The following CACNA2D3 variants were observed in gnomAD, a reference collection of about 807,000 sequenced individuals.
CACNA2D3 encodes the protein voltage-dependent calcium channel subunit alpha-2/delta-3.
In CACNA2D3, 60 loss-of-function variants were observed where a neutral mutation model predicts 160.6. The observed-to-expected ratio is 0.37, with a 90% CI of 0.30 to 0.46. The LOEUF (loss-of-function observed/expected upper bound fraction) is 0.46. Ranked by LOEUF, CACNA2D3 falls within the 20% of genes least tolerant of loss-of-function variation. CACNA2D3 has a pLI of 1.00. For synonymous variants in CACNA2D3, 558 were observed against 492.9 expected (o/e 1.13, Z -1.75); for missense variants, 1,205 against 1,365.0 (o/e 0.88, Z 1.85).
intron 13 of CACNA2D3, among the ~76,000 whole-genome samples, chr3:54,776,490 G>A (rs1342313690): frequency 2.0e-5 from 3 of 152,046 alleles, no homozygotes; most frequent in South Asian, 2.1e-4. Flanking sequence ...ACTCTAGCCT[G>A]GGCAACAGAG....
In CACNA2D3 at chr3:54,330,406, G is replaced by T. The variant is rs186480720; in HGVS notation, c.321+9848G>T. Reference sequence around the variant, plus strand: ...CAAAGCCCGTGATGGATGTCAGAAAGCAGACTCCTCATCCAGGGTCACGGT... The same window carrying T: ...CAAAGCCCGTGATGGATGTCAGAAATCAGACTCCTCATCCAGGGTCACGGT... On this transcript the variant is annotated intron_variant, in intron 3 of 37. Coordinates refer to ENST00000474759, the MANE Select transcript of CACNA2D3 (RefSeq NM_018398.3). Among the ~76,000 whole-genome samples, 214 of 152,204 alleles carry T rather than the reference G, an allele frequency of 1.4e-3. 1 individual carries two copies. The highest frequency in any genetic ancestry group is 2.9e-3 in the Admixed American group (44 of 15,288).
At chr3:54,662,900 A>C (rs970250463) in intron 11 of CACNA2D3, among the ~76,000 whole-genome samples, 1 of 152,240 alleles carries the variant, frequency 6.6e-6, no homozygotes, top group Non-Finnish European at 1.5e-5. Context: ...ATGTGATCTC[A>C]AACAAGCCAC....
At chr3:54,154,481 CAT>C (rs950749187) in intron 2 of CACNA2D3, among the ~76,000 whole-genome samples, 1 of 152,172 alleles carries the variant, frequency 6.6e-6, no homozygotes, top group Non-Finnish European at 1.5e-5. Context: ...TTTACTAGCA[CAT>C]ATGTTAAAAC....
At chr3:54,492,059 TTAC>T (rs528108291) in intron 4 of CACNA2D3, among the ~76,000 whole-genome samples, 6 of 152,238 alleles carry the variant, frequency 3.9e-5, no homozygotes, top group South Asian at 2.1e-4. Flanking sequence ...CTCTACATGG[TTAC>T]AGGAGCCTAG....
intron 4 of CACNA2D3, among the ~76,000 whole-genome samples, chr3:54,403,342 C>T (rs189762955): frequency 2.6e-4 from 38 of 145,130 alleles, no homozygotes; most frequent in Middle Eastern, 3.5e-3. Flanking sequence ...GTGACAGAGC[C>T]GGACCCTATC....
chr3:54,455,047 A>G (rs1700373595), intron 4 of CACNA2D3, among the ~76,000 whole-genome samples: 1 of 152,184 alleles, frequency 6.6e-6, no homozygotes, highest in African/African-American at 2.4e-5. Flanking sequence ...TAGTGCTGTG[A>G]TAAACATGGG....
intron 35 of CACNA2D3, among the ~76,000 whole-genome samples, chr3:55,054,787 T>C (rs997933399): frequency 1.3e-5 from 2 of 151,950 alleles, no homozygotes; most frequent in African/African-American, 2.4e-5. Context: ...GGATGGTACA[T>C]TGTAGATGTC....
intron 13 of CACNA2D3, among the ~76,000 whole-genome samples, chr3:54,800,189 C>T (rs1208691041): frequency 2.7e-5 from 4 of 150,036 alleles, no homozygotes; most frequent in African/African-American, 7.4e-5. Context: ...AAAAGAGCTT[C>T]CTTCCATATC....
intron 2 of CACNA2D3, among the ~76,000 whole-genome samples, chr3:54,249,697 A>C (rs931901012): frequency 2.4e-4 from 34 of 144,554 alleles, no homozygotes; most frequent in Non-Finnish European, 3.6e-4. Context: ...ACACACACAC[A>C]CCCCTCATCC....
intron 4 of CACNA2D3, among the ~76,000 whole-genome samples, chr3:54,412,049 T>C (rs1209615285): frequency 6.6e-6 from 1 of 152,214 alleles, no homozygotes; most frequent in Admixed American, 6.5e-5. Context: ...GCTAACATCA[T>C]AAATTAGTTT....
At chr3:55,061,253 C>T (rs75774167) in intron 35 of CACNA2D3, among the ~76,000 whole-genome samples, 16 of 152,292 alleles carry the variant, frequency 1.1e-4, no homozygotes, top group African/African-American at 1.7e-4. Context: ...TATGCTGGTC[C>T]GATTTAATCT....
chr3:55,049,096 G>A (rs909257319), intron 35 of CACNA2D3, among the ~76,000 whole-genome samples: 2 of 151,608 alleles, frequency 1.3e-5, no homozygotes, highest in African/African-American at 2.4e-5. Context: ...TTGTGTCCCT[G>A]TTTCCTTCCG....
At chr3:54,648,981 G>A (rs1211979032) in intron 11 of CACNA2D3, among the ~76,000 whole-genome samples, 1 of 152,170 alleles carries the variant, frequency 6.6e-6, no homozygotes, top group African/African-American at 2.4e-5. Context: ...CAGGTCCCAC[G>A]TCCAACATTG....
intron 4 of CACNA2D3, among the ~76,000 whole-genome samples, chr3:54,495,522 G>C (rs539062814): frequency 5.9e-5 from 9 of 152,270 alleles, no homozygotes; most frequent in African/African-American, 2.2e-4. Context: ...GCTGAAGAGG[G>C]CAGATCACTT....
At chr3:54,401,207 A>G (rs1699457287) in intron 4 of CACNA2D3, among the ~76,000 whole-genome samples, 1 of 152,168 alleles carries the variant, frequency 6.6e-6, no homozygotes, top group Admixed American at 6.5e-5. Context: ...AAAAAAAAGA[A>G]AAATGAATGA....
At chr3:54,276,544 G>T (rs996396801) in intron 2 of CACNA2D3, among the ~76,000 whole-genome samples, 1 of 147,150 alleles carries the variant, frequency 6.8e-6, no homozygotes, top group African/African-American at 2.5e-5. Context: ...CTGCACTCCA[G>T]CCTGGTCAAC....
intron 3 of CACNA2D3, among the ~76,000 whole-genome samples, chr3:54,370,366 T>G (rs1036415838): frequency 2.0e-5 from 3 of 152,232 alleles, no homozygotes; most frequent in African/African-American, 7.2e-5. Flanking sequence ...TTAGCGTTTC[T>G]TGTTCACAGT....
intron 4 of CACNA2D3, among the ~76,000 whole-genome samples, chr3:54,400,454 G>T (rs1575434109): frequency 6.6e-6 from 1 of 152,072 alleles, no homozygotes; most frequent in African/African-American, 2.4e-5. Context: ...CTGCTTGAGG[G>T]CTGTGTCAGA....
intron 9 of CACNA2D3, among the ~76,000 whole-genome samples, chr3:54,589,559 A>G (rs930099216): frequency 3.9e-5 from 6 of 152,122 alleles, no homozygotes; most frequent in African/African-American, 1.4e-4. Context: ...TTAAAATGAA[A>G]AAAAAAGAAC....
Sources: gnomAD v4.1 joint callset for allele counts (sites outside exome capture counted in the v4.1 genomes callset) on GRCh38, gnomAD v4.1.1 for gene constraint, MANE v1.5 for transcripts, NCBI Gene and HGNC (gene_info 2026-07-23, HGNC 2026-07-21) for gene names.